Variants in CPOX observed in about 807,000 individuals in gnomAD.
The protein encoded by CPOX is oxygen-dependent coproporphyrinogen-III oxidase, mitochondrial.
CPOX carries 24 observed loss-of-function variants against 48.9 expected under a neutral mutation model. The observed-to-expected ratio is 0.49, with a 90% CI of 0.36 to 0.69. The LOEUF is 0.69. Among genes scored for constraint, CPOX ranks in the 30% least tolerant of loss-of-function variants. The pLI, the probability that CPOX is intolerant of heterozygous loss-of-function variation, is 0.00. For missense variants in CPOX, 549 were observed against 597.3 expected (o/e 0.92, Z 0.84); for synonymous variants, 249 against 234.6 (o/e 1.06, Z -0.56).
chr3:98,580,636 C>T lies in CPOX; in HGVS notation c.*47G>A, dbSNP rs1201432270. 13 of 1,608,908 alleles carry T rather than the reference C, an allele frequency of 8.1e-6. No homozygotes were observed. The highest frequency in any genetic ancestry group is 1.1e-5 in the Non-Finnish European group (13 of 1,178,272). ...AAGTGCCGACCAGTGGCATGGGGAG[C>T]ACACATCGTGTGCCCTCCAAACCCC... On this transcript the variant is annotated 3_prime_UTR_variant, in exon 7 of 7. Coordinates refer to ENST00000647941, the MANE Select transcript of CPOX (RefSeq NM_000097.7).
At chr3:98,590,899 C>T in intron 2 of CPOX, 113 bp downstream of exon 2, 3 of 1,316,458 alleles carry the variant, frequency 2.3e-6, no homozygotes, top group Non-Finnish European at 3.3e-6. Flanking sequence ...CAACGTGCGG[C>T]ATATGAACCC....
In CPOX at chr3:98,585,880, T is replaced by A. The variant is rs1265551053; in HGVS notation, c.954-221A>T. ...CTTATCCTCTTTTTCTTTTCTTTTC[T>A]TTTTTTTTTTGAGACGGACTCTTGC... is the stretch of plus-strand genomic sequence containing the variant. On this transcript the variant is annotated intron_variant, in intron 4 of 6. Transcript: ENST00000647941. 9.1e-6 allele frequency: 3 copies of A among 330,588 alleles called. No individual in the cohort carries two copies. The East Asian group carries it at 2.0e-4, about 22-fold the overall frequency. 20.5% of individuals were successfully genotyped at this position (330,588 alleles called of 1,614,324 possible). A position where few individuals can be genotyped will look rare whatever the true frequency, so the allele number is the denominator to read the frequency against.
Position 98,592,837 on chromosome 3 carries a change from T to G in CPOX, c.556+112A>C, listed in dbSNP as rs1203725580. Reference sequence around the variant, plus strand: ...TCTAACCAAGCGGCCTCTCTGTGGGTACCCCCTACCTACCCCATCCCATAT... The same window carrying G: ...TCTAACCAAGCGGCCTCTCTGTGGGGACCCCCTACCTACCCCATCCCATAT... On this transcript the variant is annotated intron_variant, in intron 1 of 6. Coordinates refer to ENST00000647941, the MANE Select transcript of CPOX (RefSeq NM_000097.7). 2.6e-5 allele frequency: 32 copies of G among 1,210,224 alleles called. No individual in the cohort carries two copies. The Admixed American group carries it at 6.4e-4, about 24-fold the overall frequency. 75.0% of individuals were successfully genotyped at this position (1,210,224 alleles called of 1,614,324 possible).
chr3:98,589,482 C>T (rs912630491), intron 3 of CPOX, among the ~76,000 whole-genome samples: 3 of 151,594 alleles, frequency 2.0e-5, no homozygotes, highest in Non-Finnish European at 2.9e-5. Context: ...AATCACATGA[C>T]GAGCTTAAAA....
intron 5 of CPOX, among the ~76,000 whole-genome samples, chr3:98,582,599 T>C (rs1707278862): frequency 6.6e-6 from 1 of 152,012 alleles, no homozygotes; most frequent in Non-Finnish European, 1.5e-5. Flanking sequence ...TTCACCCATT[T>C]TCCTGCCTCA....
chr3:98,584,061 T>C (rs761095663), intron 5 of CPOX, among the ~76,000 whole-genome samples: 1 of 152,162 alleles, frequency 6.6e-6, no homozygotes, highest in Non-Finnish European at 1.5e-5. Flanking sequence ...AAACGATGTA[T>C]AAAAAACAAA....
Position 98,580,539 on chromosome 3 carries a change from G to A in CPOX, c.*144C>T. On this transcript the variant is annotated 3_prime_UTR_variant, in exon 7 of 7. Coordinates refer to ENST00000647941, the MANE Select transcript of CPOX (RefSeq NM_000097.7). ...TCATCACTGACAGCATCCAAAACAT[G>A]TTATCATCTGCCCACGAGGTAGGGT... 6.6e-7 allele frequency: 1 copy of A among 1,505,492 alleles called. No homozygotes were observed. The highest frequency in any genetic ancestry group is 8.9e-7 in the Non-Finnish European group (1 of 1,128,022). 93.3% of individuals were successfully genotyped at this position (1,505,492 alleles called of 1,614,324 possible). A position where few individuals can be genotyped will look rare whatever the true frequency, so the allele number is the denominator to read the frequency against.
At chr3:98,575,691 A>C (rs112541842), downstream of CPOX, among the ~76,000 whole-genome samples, 31,842 of 109,002 alleles carry the variant, frequency 0.29, 9,044 homozygotes, top group African/African-American at 0.36. Flanking sequence ...GCACTTTGGG[A>C]GGCTGAGGTG....
intron 1 of CPOX, among the ~76,000 whole-genome samples, chr3:98,592,642 G>C (rs144233688): frequency 5.7e-4 from 87 of 152,186 alleles, no homozygotes; most frequent in African/African-American, 2.0e-3. Flanking sequence ...AACGAACTTT[G>C]GACATCTAAG....
rs374682933 is a variant in CPOX at position 98,581,370 on chromosome 3, G to A, written c.1277+37C>T. On this transcript the variant is annotated intron_variant, in intron 6 of 6. Coordinates refer to ENST00000647941, the MANE Select transcript of CPOX (RefSeq NM_000097.7). ...TTTTGTGGGTGTTTGGGAATTGGGA[G>A]TGTAGGGATAACTACTAAAATGAGT... is the stretch of plus-strand genomic sequence containing the variant. The A allele has an allele frequency of 3.6e-6, 5 of 1,403,580 alleles. No homozygotes were observed. In the African/African-American group the frequency reaches 4.2e-5, roughly 12 times the overall value. The allele number at this position is 1,403,580 out of a possible 1,614,324, so 86.9% of individuals were successfully genotyped here. A position where few individuals can be genotyped will look rare whatever the true frequency, so the allele number is the denominator to read the frequency against.
Position 98,579,524 on chromosome 3 carries a change from A to G in CPOX, c.*1159T>C, listed in dbSNP as rs1387376614. 2 of 985,166 alleles carry G rather than the reference A, an allele frequency of 2.0e-6. No individual in the cohort carries two copies. The highest frequency in any genetic ancestry group is 4.7e-5 in the South Asian group (1 of 21,278). 61.0% of individuals were successfully genotyped at this position (985,166 alleles called of 1,614,324 possible). On this transcript the variant is annotated 3_prime_UTR_variant, in exon 7 of 7. Transcript: ENST00000647941. ...AGAATTCATACATTTTCCAGCCCCA[A>G]AAAGGCCACACAGAATCACAAACAT...
At position 98,579,762 on chromosome 3, in the gene CPOX, T is replaced by C. The variant is rs970318931; in HGVS notation, c.*921A>G. The C allele has an allele frequency of 7.0e-5, 69 of 984,904 alleles. No homozygotes were observed. Among genetic ancestry groups the C allele is most frequent in the Non-Finnish European group, 7.8e-5 (65 of 829,192 alleles). The allele number at this position is 984,904 out of a possible 1,614,324, so 61.0% of individuals were successfully genotyped here. On this transcript the variant is annotated 3_prime_UTR_variant, in exon 7 of 7. Coordinates refer to ENST00000647941, the MANE Select transcript of CPOX (RefSeq NM_000097.7). The stretch of plus-strand genomic sequence containing the variant: ...TGTCCATTTTCCTAAGAAACGTGTG[T>C]ATGAAATGCCTCCAAGTTTCTCATA...
chr3:98,588,470 A>G (rs886675304), intron 4 of CPOX, among the ~76,000 whole-genome samples: 1 of 152,234 alleles, frequency 6.6e-6, no homozygotes, highest in African/African-American at 2.4e-5. Flanking sequence ...CTTATAGTTT[A>G]TAGTCTACCA....
downstream of CPOX, chr3:98,579,411 T>C (rs1418148853): frequency 7.4e-6 from 5 of 673,344 alleles, no homozygotes; most frequent in African/African-American, 9.9e-5. Flanking sequence ...TGCGTTTTCC[T>C]ATATTATCCT....
At chr3:98,582,787 G>A (rs1038171553) in intron 5 of CPOX, among the ~76,000 whole-genome samples, 1 of 152,052 alleles carries the variant, frequency 6.6e-6, no homozygotes, top group African/African-American at 2.4e-5. Context: ...CACCACGCCC[G>A]GCCCACAATA....
chr3:98,572,495 A>G, the CPOX span, among the ~76,000 whole-genome samples: 3 of 152,196 alleles, frequency 2.0e-5, no homozygotes, highest in South Asian at 6.2e-4. Context: ...ATTTATTGAT[A>G]TGTATGCCAT....
At chr3:98,586,662 G>A (rs1264308349) in intron 4 of CPOX, among the ~76,000 whole-genome samples, 1 of 151,956 alleles carries the variant, frequency 6.6e-6, no homozygotes, top group African/African-American at 2.4e-5. Flanking sequence ...GCCATTTCCT[G>A]GGCCGGACGC....
At chr3:98,577,094 C>T (rs1399767954), downstream of CPOX, among the ~76,000 whole-genome samples, 1 of 151,932 alleles carries the variant, frequency 6.6e-6, no homozygotes, top group Non-Finnish European at 1.5e-5. Flanking sequence ...GCACATAAGA[C>T]ATTCCAAGCA....
rs749579807 is a variant in CPOX, at chr3:98,585,630, C to T, written c.983G>A (p.Arg328His). 1.1e-5 allele frequency: 17 copies of T among 1,613,846 alleles called. No homozygotes were observed. The highest frequency in any genetic ancestry group is 4.0e-5 in the African/African-American group (3 of 74,908). The change falls in exon 5 of 7, where the codon CGT becomes CAT. Residue 328 changes from arginine (R) to histidine (H), a missense_variant. This residue lies in a region of CPOX where 213 missense variants were observed against 279.1 expected (regional missense o/e 0.76). Transcript: ENST00000647941. The stretch of plus-strand genomic sequence containing the variant: ...ACCACCAATGCCCCGCCGTTCTCCA[C>T]GATGGGCTATAAAGAAGTAATCATC... ...WCDDYFFIAH[R>H]GERRGIGGIF...
Sources: gnomAD v4.1 joint callset for allele counts (sites outside exome capture counted in the v4.1 genomes callset) on GRCh38, gnomAD v4.1.1 for gene constraint, gnomAD v4.1.1 regional missense constraint, MANE v1.5 for transcripts, NCBI Gene and HGNC (gene_info 2026-07-23, HGNC 2026-07-21) for gene names.